Variants in MS4A4E observed in about 807,000 individuals in gnomAD.
The protein encoded by MS4A4E is putative membrane-spanning 4-domains subfamily A member 4E.
In MS4A4E, 23 loss-of-function variants were observed where a neutral mutation model predicts 13.3. That is an observed-to-expected ratio of 1.73 (90% confidence interval 1.25 to 2.45). MS4A4E has a LOEUF of 2.45. Ranked by LOEUF, MS4A4E falls within the 30% of genes most tolerant of loss-of-function variation. The pLI is 0.00. For missense variants in MS4A4E, 144 were observed against 131.2 expected, an observed-to-expected ratio of 1.10 and a Z score of -0.48; for synonymous variants, 36 against 45.6, an observed-to-expected ratio of 0.79 and a Z score of 0.85.
chr11:60,219,375 C>G (rs1009396351), intron 3 of MS4A4E, among the ~76,000 whole-genome samples: 1 of 152,184 alleles, frequency 6.6e-6, no homozygotes, highest in Admixed American at 6.5e-5. Context: ...CCATAATAGA[C>G]AGAAGAGGCA....
rs988475811 is a variant in MS4A4E at position 60,235,758 on chromosome 11, G to A, written c.-16-5687C>T. ...CAAGTTTAACAAAATTGGAAGGTAT[G>A]TATTAAATTTAAGACCAAAAATAAG... On this transcript the variant is annotated intron_variant, in intron 1 of 8. Transcript: ENST00000651255. Among the ~76,000 whole-genome samples, 7 of 152,334 alleles carry A rather than the reference G, an allele frequency of 4.6e-5. No homozygotes were observed. The East Asian group carries it at 1.4e-3, about 29-fold the overall frequency.
intron 1 of MS4A4E, among the ~76,000 whole-genome samples, chr11:60,237,406 C>T (rs766008201): frequency 1.1e-4 from 16 of 152,286 alleles, no homozygotes; most frequent in South Asian, 6.2e-4. Flanking sequence ...CAGCAATGAA[C>T]ATATGTGTGC....
rs531231711 is a variant in MS4A4E at position 60,238,389 on chromosome 11, T to C, written c.-17+4569A>G. Among the ~76,000 whole-genome samples, 103 of 152,156 alleles carry C rather than the reference T, an allele frequency of 6.8e-4. 1 individual carries two copies. The highest frequency in any genetic ancestry group is 2.2e-3 in the African/African-American group (92 of 41,572). ...TATTTCTTCTTATTTTTGTATTTCT[T>C]CTTCAGTCAGTTTTAGTAGTATCTT... On this transcript the variant is annotated intron_variant, in intron 1 of 8. Transcript: ENST00000651255.
At chr11:60,228,066 G>T (rs769812758) in intron 3 of MS4A4E, among the ~76,000 whole-genome samples, 1 of 150,626 alleles carries the variant, frequency 6.6e-6, no homozygotes, top group Non-Finnish European at 1.5e-5. Flanking sequence ...AATACCAAAG[G>T]CACAACCCAT....
At position 60,200,288 on chromosome 11, in the gene MS4A4E, T is replaced by G. The variant is rs539490467; in HGVS notation, c.*1255A>C. ...GGATAAATACTTTTTATTTATTTAT[T>G]TATTTATTTATTTAATTTTTTATTG... On this transcript the variant is annotated 3_prime_UTR_variant, in exon 9 of 9. Transcript: ENST00000651255. Among the ~76,000 whole-genome samples, 1 of 152,134 alleles carries G rather than the reference T, an allele frequency of 6.6e-6. No individual in the cohort carries two copies. Among genetic ancestry groups the G allele is most frequent in the East Asian group, 1.9e-4 (1 of 5,182 alleles).
intron 1 of MS4A4E, among the ~76,000 whole-genome samples, chr11:60,238,153 T>G (rs2084507242): frequency 6.6e-6 from 1 of 151,840 alleles, no homozygotes; most frequent in Non-Finnish European, 1.5e-5. Context: ...TTATGTTGTC[T>G]TTTCTTGATT....
intron 3 of MS4A4E, chr11:60,224,906 C>T: frequency 1.5e-6 from 2 of 1,308,754 alleles, no homozygotes; most frequent in Non-Finnish European, 2.0e-6. Context: ...TTGCAAAGAT[C>T]AGGGTATTTA....
At chr11:60,237,673 T>C (rs2134974211) in intron 1 of MS4A4E, among the ~76,000 whole-genome samples, 1 of 152,348 alleles carries the variant, frequency 6.6e-6, no homozygotes, top group South Asian at 2.1e-4. Context: ...CATTTCATTA[T>C]GGTTTTCACT....
intron 1 of MS4A4E, among the ~76,000 whole-genome samples, chr11:60,230,601 T>C (rs2084397188): frequency 6.6e-6 from 1 of 152,228 alleles, no homozygotes; most frequent in Admixed American, 6.5e-5. Flanking sequence ...GGAATGAAAC[T>C]TACAGCTCTG....
intron 1 of MS4A4E, among the ~76,000 whole-genome samples, chr11:60,240,332 GT>G (rs1402527815): frequency 1.3e-5 from 2 of 152,108 alleles, no homozygotes; most frequent in African/African-American, 4.8e-5. Context: ...TTTTAACTCT[GT>G]ATTTCTCCCA....
chr11:60,240,178 T>C (rs1004624291), intron 1 of MS4A4E, among the ~76,000 whole-genome samples: 1 of 152,250 alleles, frequency 6.6e-6, no homozygotes, highest in Admixed American at 6.5e-5. Flanking sequence ...AAGAGGGCTA[T>C]GCGACTGCAA....
intron 3 of MS4A4E, chr11:60,225,169 G>T: frequency 7.6e-7 from 1 of 1,323,726 alleles, no homozygotes; most frequent in African/African-American, 1.5e-5. Context: ...CAATCACTAA[G>T]CTATCCTTAT....
intron 6 of MS4A4E, among the ~76,000 whole-genome samples, chr11:60,206,474 C>CATATATATATATGTAT (rs1565116619): frequency 1.2e-5 from 1 of 82,488 alleles, no homozygotes; most frequent in African/African-American, 6.0e-5. Context: ...CACACACACA[C>CATATATATATATGTAT]ATATATATAT....
chr11:60,232,057 T>A (rs1159247487), intron 1 of MS4A4E, among the ~76,000 whole-genome samples: 3 of 151,576 alleles, frequency 2.0e-5, no homozygotes, highest in East Asian at 1.9e-4. Flanking sequence ...ACAGAAAAAA[T>A]TTTGCCAATG....
intron 1 of MS4A4E, among the ~76,000 whole-genome samples, chr11:60,233,260 T>C (rs661376): frequency 0.91 from 138,978 of 152,190 alleles, 63,597 homozygotes; most frequent in Non-Finnish European, 0.94. Flanking sequence ...GGCACTCCAT[T>C]CCCCAGGGTT....
At chr11:60,204,708 T>G (rs760873649) in intron 8 of MS4A4E, among the ~76,000 whole-genome samples, 182 bp downstream of exon 8, 1 of 152,204 alleles carries the variant, frequency 6.6e-6, no homozygotes, top group Non-Finnish European at 1.5e-5. Context: ...TATTTGACTT[T>G]CTTTTAAACA....
chr11:60,236,818 C>T (rs180722494), intron 1 of MS4A4E, among the ~76,000 whole-genome samples: 212 of 151,832 alleles, frequency 1.4e-3, no homozygotes, highest in African/African-American at 4.4e-3. Flanking sequence ...CTCACTACAA[C>T]CTCCGCCTCC....
intron 8 of MS4A4E, among the ~76,000 whole-genome samples, chr11:60,204,565 G>T (rs889208647): frequency 3.9e-5 from 6 of 152,084 alleles, no homozygotes; most frequent in African/African-American, 1.5e-4. Flanking sequence ...CTTTCCTGTT[G>T]GGCTTGAAGC....
At chr11:60,237,368 T>C (rs1315841366) in intron 1 of MS4A4E, among the ~76,000 whole-genome samples, 2 of 152,222 alleles carry the variant, frequency 1.3e-5, no homozygotes, top group African/African-American at 2.4e-5. Flanking sequence ...TTTAAGTTGA[T>C]TCCATGTCTT....
Sources: allele counts gnomAD v4.1 joint callset (sites outside exome capture counted in the v4.1 genomes callset), GRCh38; gene constraint gnomAD v4.1.1; transcripts MANE v1.5; gene names NCBI Gene and HGNC (gene_info 2026-07-23, HGNC 2026-07-21).